Variants in BABAM2 observed in about 807,000 individuals in gnomAD.
BABAM2 encodes the protein BRISC and BRCA1-A complex member 2.
A neutral mutation model predicts 54.7 loss-of-function variants in BABAM2; 31 were observed. The ratio of observed to expected loss-of-function variants is 0.57; its 90% CI spans 0.43 to 0.77. BABAM2 has a LOEUF of 0.77. BABAM2 is among the 30% of genes least tolerant of loss of function. The pLI, the probability that BABAM2 is intolerant of heterozygous loss-of-function variation, is 0.00. For synonymous variants in BABAM2, 167 were observed against 162.9 expected, an observed-to-expected ratio of 1.03 and a Z score of -0.19; for missense variants, 364 against 455.8, an observed-to-expected ratio of 0.80 and a Z score of 1.83.
intron 3 of BABAM2, among the ~76,000 whole-genome samples, chr2:27,962,153 A>G (rs1296499329): frequency 6.6e-6 from 1 of 152,130 alleles, no homozygotes; most frequent in Non-Finnish European, 1.5e-5. Context: ...TGTGTCACCC[A>G]GGCTGGAATG....
chr2:27,952,662 T>G (rs1413842763), intron 3 of BABAM2, among the ~76,000 whole-genome samples: 1 of 152,188 alleles, frequency 6.6e-6, no homozygotes, highest in Non-Finnish European at 1.5e-5. Flanking sequence ...CATAAGACCT[T>G]TTGGGACATA....
At chr2:28,052,294 T>G (rs1678057351) in intron 6 of BABAM2, among the ~76,000 whole-genome samples, 1 of 151,658 alleles carries the variant, frequency 6.6e-6, no homozygotes. Flanking sequence ...TTGCTTTTTT[T>G]TTTTTTTCCA....
chr2:27,965,022 G>C (rs1318093106), intron 3 of BABAM2, among the ~76,000 whole-genome samples: 1 of 152,134 alleles, frequency 6.6e-6, no homozygotes, highest in East Asian at 1.9e-4. Context: ...TTGGAGATGG[G>C]GTATGTTTTA....
intron 6 of BABAM2, among the ~76,000 whole-genome samples, chr2:28,088,990 C>A (rs2148687351): frequency 6.6e-6 from 1 of 152,122 alleles, no homozygotes; most frequent in South Asian, 2.1e-4. Context: ...TAAATCAGTG[C>A]CTGGCCTAGT....
At chr2:28,167,067 T>C (rs1031154932) in intron 7 of BABAM2, among the ~76,000 whole-genome samples, 1 of 152,244 alleles carries the variant, frequency 6.6e-6, no homozygotes. Context: ...AAAAAGGTTC[T>C]TGATTGGAAT....
chr2:28,193,708 C>A (rs537848659), intron 7 of BABAM2, among the ~76,000 whole-genome samples: 1 of 152,314 alleles, frequency 6.6e-6, no homozygotes, highest in South Asian at 2.1e-4. Flanking sequence ...ACTTCTGTAA[C>A]AGATGATGTC....
At chr2:28,166,910 C>CTGGA (rs1471842245) in intron 7 of BABAM2, among the ~76,000 whole-genome samples, 1 of 152,124 alleles carries the variant, frequency 6.6e-6, no homozygotes, top group African/African-American at 2.4e-5. Flanking sequence ...TAAATGCCTA[C>CTGGA]TGGACACCCA....
intron 4 of BABAM2, among the ~76,000 whole-genome samples, chr2:27,992,708 CTA>C (rs1231103483): frequency 6.6e-6 from 1 of 152,126 alleles, no homozygotes; most frequent in African/African-American, 2.4e-5. Context: ...GTAGGTTATG[CTA>C]TAGCTGTCAC....
intron 4 of BABAM2, among the ~76,000 whole-genome samples, chr2:27,994,927 A>C (rs1673034276): frequency 1.3e-5 from 2 of 152,184 alleles, no homozygotes; most frequent in Admixed American, 1.3e-4. Context: ...CCATAGCAGT[A>C]ATTTGAATAG....
chr2:28,128,488 T>A (rs1669763279), intron 6 of BABAM2, among the ~76,000 whole-genome samples: 1 of 152,266 alleles, frequency 6.6e-6, no homozygotes, highest in African/African-American at 2.4e-5. Context: ...TCCACAGTTT[T>A]GATTCAGGAC....
At chr2:27,900,035 T>A (rs967690262) in intron 2 of BABAM2, among the ~76,000 whole-genome samples, 1 of 152,208 alleles carries the variant, frequency 6.6e-6, no homozygotes, top group Admixed American at 6.5e-5. Flanking sequence ...AAGTGTGAAT[T>A]TCTCGTTTCT....
intron 10 of BABAM2, among the ~76,000 whole-genome samples, chr2:28,278,880 C>T (rs1686099630): frequency 6.6e-6 from 1 of 152,128 alleles, no homozygotes; most frequent in African/African-American, 2.4e-5. Flanking sequence ...GCATTTGCTT[C>T]AGTAATGATG....
At chr2:28,211,909 G>C (rs1405654379) in intron 7 of BABAM2, among the ~76,000 whole-genome samples, 1 of 151,984 alleles carries the variant, frequency 6.6e-6, no homozygotes, top group Non-Finnish European at 1.5e-5. Flanking sequence ...TTCCTCATTT[G>C]TCTCAAGTGT....
At chr2:28,028,067 G>C (rs1037860750) in intron 5 of BABAM2, among the ~76,000 whole-genome samples, 3 of 152,118 alleles carry the variant, frequency 2.0e-5, no homozygotes, top group African/African-American at 7.2e-5. Flanking sequence ...GTGTTGGCTA[G>C]GGCTCTGGTC....
chr2:28,281,977 T>C (rs531831836), intron 10 of BABAM2, among the ~76,000 whole-genome samples: 33 of 152,308 alleles, frequency 2.2e-4, no homozygotes, highest in Middle Eastern at 6.8e-3. Context: ...GATGAGACTT[T>C]CTGAAAAGGA....
intron 3 of BABAM2, among the ~76,000 whole-genome samples, chr2:27,953,373 G>A (rs765367285): frequency 3.9e-5 from 6 of 152,020 alleles, no homozygotes; most frequent in Non-Finnish European, 7.4e-5. Flanking sequence ...TATAGAGACA[G>A]GGTCTACCTG....
Position 28,335,150 on chromosome 2 carries a change from C to T in BABAM2, c.1089-3300C>T, listed in dbSNP as rs1484683941. 2.8e-4 allele frequency among the ~76,000 whole-genome samples: 35 copies of T among 124,744 alleles called. 1 individual carries two copies. Among genetic ancestry groups the T allele is most frequent in the Non-Finnish European group, 4.7e-5 (3 of 63,194 alleles). The allele number at this position is 124,744 out of a possible 152,430, so 81.8% of individuals were successfully genotyped here. A position where few individuals can be genotyped will look rare whatever the true frequency, so the allele number is the denominator to read the frequency against. ...CTTTCTGGAGCTGCTGTCTCTCCCA[C>T]CTTCTTTTTTTTTTTTTTTTTTTTT... On this transcript the variant is annotated intron_variant, in intron 11 of 11. Transcript: ENST00000379624.
chr2:28,317,708 G>A lies in BABAM2; in HGVS notation c.1088+19217G>A, dbSNP rs113960716. Among the ~76,000 whole-genome samples the A allele has an allele frequency of 1.2e-3, 185 of 152,292 alleles. 3 individuals carry two copies. The South Asian group carries it at 0.02, about 17-fold the overall frequency. On this transcript the variant is annotated intron_variant, in intron 11 of 11. Transcript: ENST00000379624. ...GGGCTTGTCCTCTCTGACCACTTAC[G>A]TACTGTTAGAGGTTTGACTAGCTGC... is the stretch of plus-strand genomic sequence containing the variant.
intron 3 of BABAM2, among the ~76,000 whole-genome samples, chr2:27,978,004 G>A (rs1284244520): frequency 6.6e-6 from 1 of 152,150 alleles, no homozygotes; most frequent in East Asian, 1.9e-4. Flanking sequence ...GCTAACTCTT[G>A]GAAATGAGTC....
Sources: allele counts gnomAD v4.1 joint callset (sites outside exome capture counted in the v4.1 genomes callset), GRCh38; gene constraint gnomAD v4.1.1; transcripts MANE v1.5; gene names NCBI Gene and HGNC (gene_info 2026-07-23, HGNC 2026-07-21).